The following CSMD3 variants were observed in gnomAD, a reference collection of about 807,000 sequenced individuals.
CSMD3 encodes CUB and Sushi multiple domains 3.
In CSMD3, 177 loss-of-function variants were observed where a neutral mutation model predicts 435.2. The ratio of observed to expected loss-of-function variants is 0.41; its 90% CI spans 0.36 to 0.46. The LOEUF (loss-of-function observed/expected upper bound fraction) is 0.46. Ranked by LOEUF, CSMD3 falls within the 20% of genes least tolerant of loss-of-function variation. The pLI, the probability that CSMD3 is intolerant of heterozygous loss-of-function variation, is 0.34. For synonymous variants in CSMD3, 1,656 were observed against 1,520.5 expected (o/e 1.09, Z -2.07); for missense variants, 4,265 against 4,504.6 (o/e 0.95, Z 1.52).
At chr8:112,924,956 A>T (rs1360074164) in intron 9 of CSMD3, among the ~76,000 whole-genome samples, 1 of 152,130 alleles carries the variant, frequency 6.6e-6, no homozygotes, top group Non-Finnish European at 1.5e-5. Flanking sequence ...TGAAGTCCTC[A>T]TAGTCTAGGG....
At chr8:112,603,298 C>CA (rs1832525108) in intron 22 of CSMD3, among the ~76,000 whole-genome samples, 1 of 152,106 alleles carries the variant, frequency 6.6e-6, no homozygotes, top group Non-Finnish European at 1.5e-5. Context: ...CATTAAACAA[C>CA]AAAAAATATC....
intron 13 of CSMD3, among the ~76,000 whole-genome samples, chr8:112,702,608 G>GA (rs1351005922): frequency 6.6e-6 from 1 of 152,014 alleles, no homozygotes; most frequent in African/African-American, 2.4e-5. Flanking sequence ...GGTAAAGACT[G>GA]ATCCCCATGG....
At chr8:113,304,825 T>G in intron 2 of CSMD3, among the ~76,000 whole-genome samples, 1 of 137,558 alleles carries the variant, frequency 7.3e-6, no homozygotes, top group East Asian at 2.4e-4. Flanking sequence ...GATGACGAGT[T>G]AGTGGGTGCA....
Position 112,760,772 on chromosome 8 carries a change from C to A in CSMD3, c.1972+39390G>T, listed in dbSNP as rs550876011. Among the ~76,000 whole-genome samples the A allele has an allele frequency of 1.8e-4, 27 of 152,212 alleles. No homozygotes were observed. The East Asian group carries it at 4.7e-3, about 26-fold the overall frequency. The stretch of plus-strand genomic sequence containing the variant: ...TCCAGCACCAATCTTCATCTTGAGG[C>A]AGAACAGCCAGGCCAGTGCTGCTCT... On this transcript the variant is annotated intron_variant, in intron 13 of 70. Transcript: ENST00000297405.
At position 112,743,304 on chromosome 8, in the gene CSMD3, A is replaced by T. The variant is rs1040659983; in HGVS notation, c.1973-53254T>A. 7.9e-5 allele frequency among the ~76,000 whole-genome samples: 12 copies of T among 151,860 alleles called. 1 individual carries two copies. The highest frequency in any genetic ancestry group is 4.1e-4 in the South Asian group (2 of 4,836). ...AAGGCTTACATTCTCACCAAAAAAAAAAAATAAATAAATAAAAAGAAGACA... is the reference window on the plus strand; with the variant it reads ...AAGGCTTACATTCTCACCAAAAAAATAAAATAAATAAATAAAAAGAAGACA... On this transcript the variant is annotated intron_variant, in intron 13 of 70. Coordinates refer to ENST00000297405, the MANE Select transcript of CSMD3 (RefSeq NM_198123.2).
At chr8:112,989,569 T>A (rs540486582) in intron 6 of CSMD3, among the ~76,000 whole-genome samples, 4 of 152,086 alleles carry the variant, frequency 2.6e-5, no homozygotes, top group African/African-American at 9.6e-5. Flanking sequence ...TAACAGAATA[T>A]GTTTGTACTA....
At chr8:112,408,736 T>C (rs1049242787) in intron 33 of CSMD3, among the ~76,000 whole-genome samples, 183 bp downstream of exon 33, 15 of 151,940 alleles carry the variant, frequency 9.9e-5, no homozygotes, top group African/African-American at 3.4e-4. Flanking sequence ...GAATAGTTGG[T>C]TGTATTTTTC....
chr8:112,288,570 A>C (rs1417502080), intron 57 of CSMD3, among the ~76,000 whole-genome samples: 1 of 152,078 alleles, frequency 6.6e-6, no homozygotes, highest in African/African-American at 2.4e-5. Context: ...CACAGAGATA[A>C]AGTAGTGTAA....
At chr8:112,924,396 T>C (rs960684130) in intron 9 of CSMD3, among the ~76,000 whole-genome samples, 1 of 152,106 alleles carries the variant, frequency 6.6e-6, no homozygotes, top group African/African-American at 2.4e-5. Context: ...GCCCATAGGA[T>C]TCATTTAATT....
At chr8:112,952,979 C>A (rs922109479) in intron 8 of CSMD3, among the ~76,000 whole-genome samples, 5 of 151,064 alleles carry the variant, frequency 3.3e-5, no homozygotes, top group Non-Finnish European at 5.9e-5. Context: ...AGGCAATATA[C>A]CAACAGGGAT....
At chr8:113,391,135 G>A (rs1325779458) in intron 1 of CSMD3, among the ~76,000 whole-genome samples, 2 of 151,912 alleles carry the variant, frequency 1.3e-5, no homozygotes. Flanking sequence ...AGTGAATTTA[G>A]TATGTACATG....
chr8:112,889,542 G>A (rs892816800), intron 10 of CSMD3, among the ~76,000 whole-genome samples: 1 of 151,566 alleles, frequency 6.6e-6, no homozygotes, highest in Admixed American at 6.6e-5. Context: ...AGCACCTATG[G>A]AAATGTGTGT....
chr8:113,361,475 CTTTGAATA>C (rs2132989144), intron 1 of CSMD3, among the ~76,000 whole-genome samples: 1 of 152,100 alleles, frequency 6.6e-6, no homozygotes, highest in South Asian at 2.1e-4. Context: ...TCTTCATTAT[CTTTGAATA>C]TTTGTCTTTG....
At chr8:112,548,356 C>G (rs114959063) in intron 27 of CSMD3, among the ~76,000 whole-genome samples, 1 of 152,084 alleles carries the variant, frequency 6.6e-6, no homozygotes, top group Admixed American at 6.6e-5. Flanking sequence ...TCCATTGCAG[C>G]TAATAATATA....
At position 112,263,700 on chromosome 8, in the gene CSMD3, G is replaced by T. The variant is rs1189064124; in HGVS notation, c.9801C>A (p.Phe3267Leu). Residue 3267 changes from phenylalanine (F) to leucine (L), a missense_variant, in exon 61 of 71, where the codon TTC becomes TTA. By Grantham distance (22) the Phe-to-Leu change is conservative. This residue lies in a region of CSMD3 where 3,255 missense variants were observed against 3,380.2 expected (regional missense o/e 0.96). Coordinates refer to ENST00000297405, the MANE Select transcript of CSMD3 (RefSeq NM_198123.2). ...YICSPGYELS[F>L]PAVLTCVGNG... ...TCCCTACACAGGTCAAAACAGCAGG[G>T]AAGGATAGCTCATAGCCTGGAGAAC... The T allele has an allele frequency of 3.1e-6, 5 of 1,613,646 alleles. No individual in the cohort carries two copies. Among genetic ancestry groups the T allele is most frequent in the Non-Finnish European group, 4.2e-6 (5 of 1,179,790 alleles).
intron 1 of CSMD3, among the ~76,000 whole-genome samples, chr8:113,351,104 A>C (rs1384189569): frequency 6.6e-6 from 1 of 152,046 alleles, no homozygotes; most frequent in Non-Finnish European, 1.5e-5. Flanking sequence ...TGTGCTTCCT[A>C]AGTACCAGGC....
chr8:113,084,017 A>G (rs2089663617), intron 5 of CSMD3, among the ~76,000 whole-genome samples: 1 of 152,200 alleles, frequency 6.6e-6, no homozygotes, highest in Non-Finnish European at 1.5e-5. Flanking sequence ...AAAATGATAT[A>G]GACTGGCTAA....
chr8:112,601,224 C>A (rs1307558659), intron 22 of CSMD3, among the ~76,000 whole-genome samples: 1 of 151,854 alleles, frequency 6.6e-6, no homozygotes, highest in Non-Finnish European at 1.5e-5. Flanking sequence ...GTGATATGAG[C>A]AATAGCAATA....
chr8:112,908,956 G>A (rs1473182645), intron 10 of CSMD3, among the ~76,000 whole-genome samples: 1 of 151,508 alleles, frequency 6.6e-6, no homozygotes, highest in Non-Finnish European at 1.5e-5. Flanking sequence ...AAGATTTTCA[G>A]AAGTCATTTC....
Sources: allele counts gnomAD v4.1 joint callset (sites outside exome capture counted in the v4.1 genomes callset), GRCh38; gene constraint gnomAD v4.1.1; regional missense constraint gnomAD v4.1.1; transcripts MANE v1.5; gene names NCBI Gene and HGNC (gene_info 2026-07-23, HGNC 2026-07-21).